C19orf25: variants seen among roughly 807,000 people sequenced by gnomAD.
C19orf25 encodes the protein chromosome 19 open reading frame 25, also known as UPF0449 protein C19orf25.
Under a neutral mutation model 3.1 loss-of-function variants are expected in C19orf25, and 1 was observed. The observed-to-expected ratio is 0.32, with a 90% CI of 0.12 to 1.54. The LOEUF is 1.54. C19orf25 is among the 40% of genes most tolerant of loss of function. C19orf25 has a pLI of 0.38. For missense variants in C19orf25, 196 were observed against 160.4 expected, an observed-to-expected ratio of 1.22 and a Z score of -1.20; for synonymous variants, 91 against 74.3, an observed-to-expected ratio of 1.23 and a Z score of -1.16.
rs902753321 is a variant in C19orf25 at position 1,474,823 on chromosome 19, C to T, written c.*209G>A. The T allele has an allele frequency of 3.2e-5, 47 of 1,452,896 alleles. No individual in the cohort carries two copies. The highest frequency in any genetic ancestry group is 4.0e-5 in the Non-Finnish European group (44 of 1,104,336). 90.0% of individuals were successfully genotyped at this position (1,452,896 alleles called of 1,614,324 possible). A position where few individuals can be genotyped will look rare whatever the true frequency, so the allele number is the denominator to read the frequency against. On this transcript the variant is annotated 3_prime_UTR_variant, in exon 3 of 3. Transcript: ENST00000585675. Reference sequence around the variant, plus strand: ...GAACCCCAGTGGGGCCCTCAGGTCACGCAGGACGGAGCCAGCTGGGTGGGT... The same window carrying T: ...GAACCCCAGTGGGGCCCTCAGGTCATGCAGGACGGAGCCAGCTGGGTGGGT...
chr19:1,476,152 G>C, intron 2 of C19orf25: 2 of 398,706 alleles, frequency 5.0e-6, no homozygotes, highest in Non-Finnish European at 8.8e-6. Flanking sequence ...CAGCAGGGCT[G>C]AAGCAGCACC....
At chr19:1,478,700 G>A (rs898123690) in intron 2 of C19orf25, 74 bp downstream of exon 2, 8 of 1,530,392 alleles carry the variant, frequency 5.2e-6, no homozygotes, top group Non-Finnish European at 6.2e-6. Flanking sequence ...CAGGAGTTAG[G>A]GGTGTGCTTC....
At chr19:1,477,375 G>C (rs979598684) in intron 2 of C19orf25, among the ~76,000 whole-genome samples, 1 of 152,166 alleles carries the variant, frequency 6.6e-6, no homozygotes, top group Non-Finnish European at 1.5e-5. Context: ...TTGTTCACTT[G>C]TCCATTAGCA....
chr19:1,478,909 A>G lies in C19orf25; in HGVS notation c.-2-4T>C. The G allele has an allele frequency of 6.3e-7, 1 of 1,584,898 alleles. No homozygotes were observed. The highest frequency in any genetic ancestry group is 1.8e-5 in the Admixed American group (1 of 55,436). On this transcript the variant is annotated splice_polypyrimidine_tract_variant and splice_region_variant and intron_variant, in intron 1 of 2. Transcript: ENST00000585675. Reference sequence around the variant, plus strand: ...TTCTTTGCCTTGGAGCCCATCTCTGAAGGCGGGGAAGGGGGCGCTGACCGG... The same window carrying G: ...TTCTTTGCCTTGGAGCCCATCTCTGGAGGCGGGGAAGGGGGCGCTGACCGG...
At chr19:1,477,340 C>G (rs968269800) in intron 2 of C19orf25, among the ~76,000 whole-genome samples, 1 of 152,226 alleles carries the variant, frequency 6.6e-6, no homozygotes, top group Non-Finnish European at 1.5e-5. Context: ...CCCAGAACAG[C>G]CTGGGGCAGA....
Position 1,473,538 on chromosome 19 carries a change from G to A in C19orf25, c.*1494C>T, listed in dbSNP as rs964350613. ...GGTACCTGGGCCAGTTATTATGGCA[G>A]GCCCCAGTGTGGGGCAGGAGGCACC... On this transcript the variant is annotated 3_prime_UTR_variant, in exon 3 of 3. Transcript: ENST00000585675. 1 of 152,302 alleles carries A rather than the reference G, an allele frequency of 6.6e-6. No homozygotes were observed. The highest frequency in any genetic ancestry group is 2.4e-5 in the African/African-American group (1 of 41,466). 9.4% of individuals were successfully genotyped at this position (152,302 alleles called of 1,614,324 possible).
chr19:1,475,312 C>T, intron 2 of C19orf25, 54 bp from the exon 3 acceptor site: 1 of 1,487,988 alleles, frequency 6.7e-7, no homozygotes, highest in Non-Finnish European at 9.1e-7. Context: ...TCCTCCTGGG[C>T]ACCCCTCACT....
rs779539331 is a variant in C19orf25 at position 1,475,148 on chromosome 19, T to C, written c.241A>G (p.Asn81Asp). 5.0e-6 allele frequency: 8 copies of C among 1,590,510 alleles called. No individual in the cohort carries two copies. Among genetic ancestry groups the C allele is most frequent in the Non-Finnish European group, 6.8e-6 (8 of 1,169,878 alleles). Residue 81 changes from asparagine (N) to aspartate (D), a missense_variant, in exon 3 of 3, where the codon AAC (asparagine) becomes GAC (aspartate). Transcript: ENST00000585675. ...AANQRLQQAG[N>D]VLRQRCELLQ... is the part of the protein sequence containing the mutation. ...AGCTCACACCTCTGCCTCAGCACGTTGCCCGCCTGCTGCAGCCGCTGGTTG... is the reference window on the plus strand; with the variant it reads ...AGCTCACACCTCTGCCTCAGCACGTCGCCCGCCTGCTGCAGCCGCTGGTTG...
intron 1 of C19orf25, 73 bp from the exon 2 acceptor site, chr19:1,478,978 A>G: frequency 6.8e-7 from 1 of 1,459,878 alleles, no homozygotes; most frequent in Non-Finnish European, 9.0e-7. Context: ...CCTCCCGCCC[A>G]GCGAACTCGT....
chr19:1,478,287 C>T lies in C19orf25; in HGVS notation c.130+487G>A, dbSNP rs2084226501. 4 of 187,580 alleles carry T rather than the reference C, an allele frequency of 2.1e-5. No homozygotes were observed. The South Asian group carries it at 6.3e-4, about 30-fold the overall frequency. The allele number at this position is 187,580 out of a possible 1,614,324, so 11.6% of individuals were successfully genotyped here. A position where few individuals can be genotyped will look rare whatever the true frequency, so the allele number is the denominator to read the frequency against. ...AGACAGTCTCGCACTGTCACCTGGG[C>T]TGGAGTGCAGTGGTGCGATCTCGGC... On this transcript the variant is annotated intron_variant, in intron 2 of 2. Transcript: ENST00000585675.
chr19:1,475,085 C>A lies in C19orf25; in HGVS notation c.304G>T (p.Ala102Ser), dbSNP rs376592756. 4 of 1,605,982 alleles carry A rather than the reference C, an allele frequency of 2.5e-6. No individual in the cohort carries two copies. In the African/African-American group the frequency reaches 5.3e-5, roughly 21 times the overall value. Residue 102 changes from alanine to serine, a missense_variant, in exon 3 of 3, where the codon GCC becomes TCC. Ala to Ser is a moderately conservative substitution (Grantham distance 99). Transcript: ENST00000585675. ...RAGEDLEREVAQMKQAALPAA... is the reference protein window; with the variant it reads ...RAGEDLEREVSQMKQAALPAA... ...GGTAATGCTGCCTGCTTCATCTGGG[C>A]CACCTCCCGCTCCAGGTCCTCGCCG...
rs1283529846 is a variant in C19orf25 at position 1,478,896 on chromosome 19, G to C, written c.8C>G (p.Ser3Cys). 1.1e-5 allele frequency: 18 copies of C among 1,593,158 alleles called. No individual in the cohort carries two copies. The highest frequency in any genetic ancestry group is 1.5e-5 in the Non-Finnish European group (18 of 1,171,920). Reference sequence around the variant, plus strand: ...CAGCAGCACGCGCTTCTTTGCCTTGGAGCCCATCTCTGAAGGCGGGGAAGG... The same window carrying C: ...CAGCAGCACGCGCTTCTTTGCCTTGCAGCCCATCTCTGAAGGCGGGGAAGG... MG[S>C]KAKKRVLLPT... The change falls in exon 2 of 3, where the codon TCC (serine) becomes TGC (cysteine). Residue 3 changes from serine (S) to cysteine (C), a missense_variant. By Grantham distance (112) the Ser-to-Cys change is moderately radical. Coordinates refer to ENST00000585675, the MANE Select transcript of C19orf25 (RefSeq NM_152482.3).
At position 1,474,669 on chromosome 19, in the gene C19orf25, G is replaced by T; in HGVS notation, c.*363C>A. ...ATCCCAACACCTGGACTCAGAAGTG[G>T]ACAGGCGAGTGCCTGCCCCGGGAGA... On this transcript the variant is annotated 3_prime_UTR_variant, in exon 3 of 3. Transcript: ENST00000585675. 1.3e-6 allele frequency: 1 copy of T among 742,526 alleles called. No individual in the cohort carries two copies. Among genetic ancestry groups the T allele is most frequent in the Non-Finnish European group, 2.1e-6 (1 of 482,464 alleles). 46.0% of individuals were successfully genotyped at this position (742,526 alleles called of 1,614,324 possible).
At chr19:1,477,292 G>A (rs778133398) in intron 2 of C19orf25, among the ~76,000 whole-genome samples, 11 of 152,282 alleles carry the variant, frequency 7.2e-5, no homozygotes, top group Middle Eastern at 3.4e-3. Context: ...GTGAGCCACC[G>A]CACCTGGCCG....
chr19:1,479,202 C>G lies in C19orf25; in HGVS notation c.-42G>C, dbSNP rs1382133365. On this transcript the variant is annotated 5_prime_UTR_variant, in exon 1 of 3. Coordinates refer to ENST00000585675, the MANE Select transcript of C19orf25 (RefSeq NM_152482.3). ...CGAAAGCCCAGCGTCGACGACGCAG[C>G]CACTTCCGATTCCGGTCGGAGCACC... The G allele has an allele frequency of 8.0e-7, 1 of 1,253,972 alleles. No homozygotes were observed. Among genetic ancestry groups the G allele is most frequent in the African/African-American group, 1.6e-5 (1 of 63,846 alleles). 77.7% of individuals were successfully genotyped at this position (1,253,972 alleles called of 1,614,324 possible).
chr19:1,477,441 A>G (rs531523878), intron 2 of C19orf25, among the ~76,000 whole-genome samples: 10 of 152,380 alleles, frequency 6.6e-5, no homozygotes, highest in African/African-American at 2.2e-4. Flanking sequence ...GGATTGTTGA[A>G]TGAATGAATG....
At chr19:1,477,902 T>C (rs2084222101) in intron 2 of C19orf25, among the ~76,000 whole-genome samples, 1 of 152,030 alleles carries the variant, frequency 6.6e-6, no homozygotes, top group Non-Finnish European at 1.5e-5. Context: ...TGCAGTTGCG[T>C]GATCTCAGCT....
In C19orf25 at chr19:1,478,892, C is replaced by T. The variant is rs780162830; in HGVS notation, c.12G>A (p.Lys4=). The part of the protein sequence containing the change: MGS[K]AKKRVLLPTR... ...TGGGCAGCAGCACGCGCTTCTTTGC[C>T]TTGGAGCCCATCTCTGAAGGCGGGG... Residue 4 remains lysine, a synonymous_variant, in exon 2 of 3, where the codon AAG becomes AAA. Coordinates refer to ENST00000585675, the MANE Select transcript of C19orf25 (RefSeq NM_152482.3). 3.8e-6 allele frequency: 6 copies of T among 1,594,076 alleles called. No homozygotes were observed. In the South Asian group the frequency reaches 6.8e-5, roughly 18 times the overall value.
intron 2 of C19orf25, chr19:1,478,432 T>G: frequency 3.9e-6 from 2 of 510,758 alleles, no homozygotes; most frequent in Non-Finnish European, 6.2e-6. Flanking sequence ...TGTTTTTGTT[T>G]TTGTTTTGTT....
Sources: allele counts gnomAD v4.1 joint callset (sites outside exome capture counted in the v4.1 genomes callset), GRCh38; gene constraint gnomAD v4.1.1; transcripts MANE v1.5; gene names NCBI Gene and HGNC (gene_info 2026-07-23, HGNC 2026-07-21).